The following TBC1D5 variants were observed in gnomAD, a reference collection of about 807,000 sequenced individuals.
TBC1D5 encodes the protein TBC1 domain family member 5.
A neutral mutation model predicts 100.3 loss-of-function variants in TBC1D5; 75 were observed. The ratio of observed to expected loss-of-function variants is 0.75; its 90% confidence interval spans 0.62 to 0.91. The LOEUF (loss-of-function observed/expected upper bound fraction) is 0.91, where lower values mean the gene tolerates loss of function less well. TBC1D5 is among the 40% of genes least tolerant of loss of function. The probability of loss-of-function intolerance (pLI) is 0.00; values close to 1 mark genes in which losing one functional copy is unlikely to be tolerated. For missense variants in TBC1D5, 910 were observed against 942.4 expected (o/e 0.97, Z 0.45); for synonymous variants, 323 against 325.6 (o/e 0.99, Z 0.09).
chr3:17,178,722 C>T (rs796101889), intron 19 of TBC1D5, among the ~76,000 whole-genome samples: 38 of 152,250 alleles, frequency 2.5e-4, no homozygotes, highest in African/African-American at 8.4e-4. Context: ...GCATGAGCAT[C>T]CGCCACCTCC....
intron 1 of TBC1D5, among the ~76,000 whole-genome samples, chr3:17,703,781 T>C (rs1216902927): frequency 6.6e-6 from 1 of 152,204 alleles, no homozygotes; most frequent in Non-Finnish European, 1.5e-5. Context: ...AAAATTGCTA[T>C]AGTGTCAATT....
intron 2 of TBC1D5, among the ~76,000 whole-genome samples, chr3:17,534,665 G>C (rs565064796): frequency 6.6e-6 from 1 of 152,144 alleles, no homozygotes; most frequent in Non-Finnish European, 1.5e-5. Flanking sequence ...TGTTACAAGT[G>C]TAAGAATCCA....
At chr3:17,494,956 C>T (rs2095687347) in intron 3 of TBC1D5, among the ~76,000 whole-genome samples, 1 of 152,216 alleles carries the variant, frequency 6.6e-6, no homozygotes, top group Non-Finnish European at 1.5e-5. Flanking sequence ...ATGAAAAATA[C>T]ACGATTTCCC....
intron 8 of TBC1D5, among the ~76,000 whole-genome samples, chr3:17,399,860 T>C (rs1559802542): frequency 6.6e-6 from 1 of 152,110 alleles, no homozygotes; most frequent in East Asian, 1.9e-4. Context: ...TCCCTCTGTC[T>C]ACATGTTCTT....
chr3:17,289,741 G>T (rs927287127), intron 15 of TBC1D5, among the ~76,000 whole-genome samples: 2 of 152,110 alleles, frequency 1.3e-5, no homozygotes, highest in African/African-American at 4.8e-5. Flanking sequence ...GAAGCCCAAG[G>T]CTCAGCAAGC....
chr3:17,348,179 A>G (rs2090140970), intron 13 of TBC1D5, among the ~76,000 whole-genome samples: 1 of 152,234 alleles, frequency 6.6e-6, no homozygotes, highest in Admixed American at 6.5e-5. Flanking sequence ...AATTTCTCCT[A>G]TAATTGCAAT....
chr3:17,268,852 G>C (rs1173580894), intron 15 of TBC1D5, among the ~76,000 whole-genome samples: 1 of 152,078 alleles, frequency 6.6e-6, no homozygotes, highest in African/African-American at 2.4e-5. Flanking sequence ...GGTGATTTTG[G>C]CTAACAGCTT....
chr3:17,189,504 A>G (rs1436237217), intron 18 of TBC1D5, among the ~76,000 whole-genome samples: 1 of 152,226 alleles, frequency 6.6e-6, no homozygotes, highest in East Asian at 1.9e-4. Flanking sequence ...TAAGAAGAGA[A>G]AAATAACTAG....
intron 2 of TBC1D5, among the ~76,000 whole-genome samples, chr3:17,581,983 C>T (rs569506852): frequency 6.6e-6 from 1 of 152,168 alleles, no homozygotes; most frequent in Non-Finnish European, 1.5e-5. Flanking sequence ...GGTCTTTACT[C>T]ACATGTTACC....
chr3:17,477,734 T>C (rs548933983), intron 3 of TBC1D5, among the ~76,000 whole-genome samples: 75 of 152,210 alleles, frequency 4.9e-4, no homozygotes, highest in African/African-American at 1.7e-3. Context: ...TAGAAAGCAA[T>C]GTGTATACAC....
chr3:17,324,111 C>T (rs73145808), intron 13 of TBC1D5, among the ~76,000 whole-genome samples: 9,196 of 152,180 alleles, frequency 0.06, 539 homozygotes, highest in African/African-American at 0.15. Flanking sequence ...AATAACTGCA[C>T]ATCCACTACA....
At chr3:17,193,021 GTATCACTTTTCACTCC>G (rs2070162549) in intron 18 of TBC1D5, among the ~76,000 whole-genome samples, 1 of 152,240 alleles carries the variant, frequency 6.6e-6, no homozygotes, top group African/African-American at 2.4e-5. Flanking sequence ...ACAGGATTTT[GTATCACTTTTCACTCC>G]TTTAGTTTCC....
chr3:17,530,935 GC>G (rs2153380770), intron 2 of TBC1D5, among the ~76,000 whole-genome samples: 1 of 152,306 alleles, frequency 6.6e-6, no homozygotes, highest in African/African-American at 2.4e-5. Context: ...AGACAGGGAT[GC>G]CCTCTCTCAC....
At chr3:17,215,067 T>C (rs949047236) in intron 17 of TBC1D5, among the ~76,000 whole-genome samples, 1 of 151,862 alleles carries the variant, frequency 6.6e-6, no homozygotes, top group African/African-American at 2.4e-5. Context: ...TAGGGATTTG[T>C]AGATGATTTT....
intron 14 of TBC1D5, among the ~76,000 whole-genome samples, chr3:17,307,515 T>C (rs571850880): frequency 1.3e-5 from 2 of 152,300 alleles, no homozygotes; most frequent in South Asian, 4.1e-4. Flanking sequence ...GAGAAATGTA[T>C]TTTTCTAAAA....
chr3:17,254,204 T>G (rs1161765081), intron 16 of TBC1D5, among the ~76,000 whole-genome samples: 1 of 152,236 alleles, frequency 6.6e-6, no homozygotes, highest in Non-Finnish European at 1.5e-5. Context: ...CTTTTGGATA[T>G]GTGTTTTTAT....
chr3:17,417,412 A>G (rs1013131953), intron 4 of TBC1D5, among the ~76,000 whole-genome samples: 27 of 147,340 alleles, frequency 1.8e-4, no homozygotes, highest in African/African-American at 6.1e-4. Context: ...TCATTGTTCA[A>G]TTCCCACCCA....
chr3:17,516,412 A>G (rs2095988713), intron 2 of TBC1D5, among the ~76,000 whole-genome samples: 1 of 152,172 alleles, frequency 6.6e-6, no homozygotes, highest in Non-Finnish European at 1.5e-5. Context: ...GAAAGGAAAA[A>G]TATTAAATAA....
intron 13 of TBC1D5, chr3:17,337,281 C>G (rs781675828): frequency 9.9e-5 from 15 of 151,948 alleles, no homozygotes; most frequent in Admixed American, 5.9e-4. Flanking sequence ...AATTACTGCT[C>G]TAAAGGTAGA....
Sources: gnomAD v4.1 joint callset for allele counts (sites outside exome capture counted in the v4.1 genomes callset) on GRCh38, gnomAD v4.1.1 for gene constraint, MANE v1.5 for transcripts, NCBI Gene and HGNC (gene_info 2026-07-23, HGNC 2026-07-21) for gene names.